Variants in PKNOX1 observed in about 807,000 individuals in gnomAD.
PKNOX1 encodes the protein PBX/knotted 1 homeobox 1, also known as homeobox protein PKNOX1.
Under a neutral mutation model 51.9 loss-of-function variants are expected in PKNOX1, and 15 were observed. The ratio of observed to expected loss-of-function variants is 0.29; its 90% CI spans 0.19 to 0.45. The LOEUF (loss-of-function observed/expected upper bound fraction) is 0.45, where lower values mean the gene tolerates loss of function less well. Ranked by LOEUF, PKNOX1 falls within the 20% of genes least tolerant of loss-of-function variation. The pLI, the probability that PKNOX1 is intolerant of heterozygous loss-of-function variation, is 1.00. For missense variants in PKNOX1, 462 were observed against 547.5 expected, an observed-to-expected ratio of 0.84 and a Z score of 1.56; for synonymous variants, 219 against 211.1, an observed-to-expected ratio of 1.04 and a Z score of -0.32.
chr21:43,011,896 C>T (rs1400469809), intron 4 of PKNOX1, among the ~76,000 whole-genome samples: 2 of 152,188 alleles, frequency 1.3e-5, no homozygotes, highest in East Asian at 3.9e-4. Flanking sequence ...CCGATGCTCT[C>T]TCCACCCCTG....
intron 1 of PKNOX1, among the ~76,000 whole-genome samples, chr21:42,986,017 A>AAAAAAT (rs34594458): frequency 6.8e-6 from 1 of 147,510 alleles, no homozygotes; most frequent in Non-Finnish European, 1.5e-5. Flanking sequence ...AAAAAAAAAA[A>AAAAAAT]TTAAAAAAAA....
At chr21:42,975,485 C>T (rs930387176) in intron 1 of PKNOX1, among the ~76,000 whole-genome samples, 3 of 152,224 alleles carry the variant, frequency 2.0e-5, no homozygotes, top group African/African-American at 7.2e-5. Context: ...CGGGCAGGGT[C>T]TGGGCGCCCT....
rs971129599 is a variant in PKNOX1, at chr21:43,033,171, G to A, written c.*3070G>A. 4 of 152,172 alleles carry A rather than the reference G, an allele frequency of 2.6e-5. No individual in the cohort carries two copies. Among genetic ancestry groups the A allele is most frequent in the Non-Finnish European group, 5.9e-5 (4 of 68,036 alleles). The allele number at this position is 152,172 out of a possible 1,614,324, so 9.4% of individuals were successfully genotyped here. On this transcript the variant is annotated 3_prime_UTR_variant, in exon 11 of 11. Transcript: ENST00000291547. Reference sequence around the variant, plus strand: ...TGCTGGGTTCCAGCTCGCTCCCACCGAGGGACTAGCTTGGCCTTTGCGCTT... The same window carrying A: ...TGCTGGGTTCCAGCTCGCTCCCACCAAGGGACTAGCTTGGCCTTTGCGCTT...
In PKNOX1 at chr21:43,018,223, A is replaced by C. The variant is rs143921536; in HGVS notation, c.713A>C (p.Asn238Thr). Reference sequence around the variant, plus strand: ...TCGCCTGGGACAATTAGGATCCAGAACTCCCAGGTGCGTGCGCCATTTTAT... The same window carrying C: ...TCGCCTGGGACAATTAGGATCCAGACCTCCCAGGTGCGTGCGCCATTTTAT... ...TLSPGTIRIQ[N>T]SQLQLQLNQD... Residue 238 changes from asparagine to threonine, a missense_variant, in exon 7 of 11, where the codon AAC (asparagine) becomes ACC (threonine). Transcript: ENST00000291547. 4 of 1,611,514 alleles carry C rather than the reference A, an allele frequency of 2.5e-6. No homozygotes were observed. The African/African-American group carries it at 5.4e-5, about 22-fold the overall frequency.
intron 1 of PKNOX1, among the ~76,000 whole-genome samples, chr21:42,984,083 CGTGTGTGTGT>C (rs61381629): frequency 1.6e-4 from 24 of 149,814 alleles, no homozygotes; most frequent in South Asian, 1.5e-3. Flanking sequence ...CGTGTGTGTG[CGTGTGTGTGT>C]GTGTGTGTGT....
At position 42,982,832 on chromosome 21, in the gene PKNOX1, CAG is replaced by C. The variant is rs372893694; in HGVS notation, c.-57+8169_-57+8170del. 4.8e-4 allele frequency among the ~76,000 whole-genome samples: 72 copies of C among 151,406 alleles called. 1 individual carries two copies. Among genetic ancestry groups the C allele is most frequent in the East Asian group, 1.9e-3 (10 of 5,148 alleles). ...GCATACTTTTTTTTCCCCCACGAAA[CAG>C]GGGCTTGCTCTGTTGCCCAGGCTGG... On this transcript the variant is annotated intron_variant, in intron 1 of 10. Transcript: ENST00000291547.
intron 9 of PKNOX1, 131 bp downstream of exon 9, chr21:43,025,078 G>T: frequency 1.6e-6 from 1 of 627,400 alleles, no homozygotes; most frequent in African/African-American, 1.9e-5. Context: ...ACTGAGACGG[G>T]GTCTTGCTGT....
At chr21:42,982,437 AAGG>A (rs1490094104) in intron 1 of PKNOX1, among the ~76,000 whole-genome samples, 4 of 152,150 alleles carry the variant, frequency 2.6e-5, no homozygotes, top group Non-Finnish European at 4.4e-5. Context: ...TGACAAGAAA[AAGG>A]AGCATAAGGC....
intron 1 of PKNOX1, 161 bp from the exon 2 acceptor site, chr21:43,004,165 A>G (rs1978884456): frequency 5.1e-6 from 2 of 395,480 alleles, no homozygotes; most frequent in Non-Finnish European, 9.6e-6. Flanking sequence ...TGAACCTGGG[A>G]GGCGGAGGTT....
At chr21:43,024,734 A>T in intron 8 of PKNOX1, 137 bp from the exon 9 acceptor site, 1 of 625,690 alleles carries the variant, frequency 1.6e-6, no homozygotes, top group Non-Finnish European at 2.9e-6. Context: ...GTGAGACTAC[A>T]GTTAGGTTTT....
chr21:43,004,924 C>T (rs181695653), intron 2 of PKNOX1, among the ~76,000 whole-genome samples: 37 of 152,308 alleles, frequency 2.4e-4, no homozygotes, highest in African/African-American at 7.7e-4. Flanking sequence ...TTGTGCCATA[C>T]ACGGGCAGCT....
At chr21:43,011,228 C>T (rs188529319) in intron 4 of PKNOX1, among the ~76,000 whole-genome samples, 6 of 152,066 alleles carry the variant, frequency 3.9e-5, no homozygotes, top group African/African-American at 7.2e-5. Context: ...CCACCACGCC[C>T]GGCTAATTTT....
At chr21:42,990,709 C>G (rs753707441) in intron 1 of PKNOX1, among the ~76,000 whole-genome samples, 1 of 152,010 alleles carries the variant, frequency 6.6e-6, no homozygotes, top group Non-Finnish European at 1.5e-5. Flanking sequence ...GACATGGGAG[C>G]CTTTATAAGG....
At chr21:42,981,626 C>T (rs1169863660) in intron 1 of PKNOX1, among the ~76,000 whole-genome samples, 1 of 152,128 alleles carries the variant, frequency 6.6e-6, no homozygotes, top group Non-Finnish European at 1.5e-5. Context: ...GTGGCACGAT[C>T]TCGGCCCACT....
At chr21:43,022,786 A>G (rs1190616625) in intron 8 of PKNOX1, among the ~76,000 whole-genome samples, 1 of 152,174 alleles carries the variant, frequency 6.6e-6, no homozygotes, top group Non-Finnish European at 1.5e-5. Flanking sequence ...GGTTTGATGG[A>G]GTATCATATG....
intron 1 of PKNOX1, among the ~76,000 whole-genome samples, chr21:42,982,021 G>T (rs1259307251): frequency 6.6e-6 from 1 of 152,194 alleles, no homozygotes; most frequent in Non-Finnish European, 1.5e-5. Context: ...TGTTCCATCT[G>T]TACGCTCCCC....
chr21:43,001,094 G>A (rs1194540009), intron 1 of PKNOX1, among the ~76,000 whole-genome samples: 3 of 152,164 alleles, frequency 2.0e-5, no homozygotes, highest in Admixed American at 6.5e-5. Context: ...TGGTCAAGGC[G>A]GAGTCCTGTT....
rs568212718 is a variant in PKNOX1, at chr21:42,989,655, G to A, written c.-56-14671G>A. ...GCTGGTCTTGAACTCCTGACCTCAA[G>A]TAATCTGCCTGCCTCAGCCTCCCAA... On this transcript the variant is annotated intron_variant, in intron 1 of 10. Coordinates refer to ENST00000291547, the MANE Select transcript of PKNOX1 (RefSeq NM_004571.5). Among the ~76,000 whole-genome samples, 7 of 152,220 alleles carry A rather than the reference G, an allele frequency of 4.6e-5. No homozygotes were observed. In the South Asian group the frequency reaches 1.4e-3, roughly 32 times the overall value.
chr21:43,018,829 T>G (rs933275534), intron 7 of PKNOX1, among the ~76,000 whole-genome samples: 1 of 151,990 alleles, frequency 6.6e-6, no homozygotes, highest in Non-Finnish European at 1.5e-5. Flanking sequence ...CACGGTGACG[T>G]CTGTAATCCC....
Sources: gnomAD v4.1 joint callset for allele counts (sites outside exome capture counted in the v4.1 genomes callset) on GRCh38, gnomAD v4.1.1 for gene constraint, MANE v1.5 for transcripts, NCBI Gene and HGNC (gene_info 2026-07-23, HGNC 2026-07-21) for gene names.